Variants in CASP10 observed in about 807,000 individuals in gnomAD.
The protein encoded by CASP10 is caspase 10.
Under a neutral mutation model 48.5 loss-of-function variants are expected in CASP10, and 41 were observed. That is an observed-to-expected ratio of 0.85 (90% CI 0.66 to 1.10). The LOEUF (loss-of-function observed/expected upper bound fraction) is 1.10. CASP10 is among the 50% of genes least tolerant of loss of function. The pLI is 0.00. For missense variants in CASP10, 614 were observed against 614.5 expected (o/e 1.00, Z 0.01); for synonymous variants, 232 against 238.4 (o/e 0.97, Z 0.25).
chr2:201,192,479 T>C (rs140686119), intron 3 of CASP10, among the ~76,000 whole-genome samples: 18 of 152,190 alleles, frequency 1.2e-4, no homozygotes, highest in Non-Finnish European at 2.4e-4. Context: ...AAATATCAAA[T>C]ATAAAATTCT....
intron 5 of CASP10, among the ~76,000 whole-genome samples, chr2:201,197,606 C>G (rs955693148): frequency 6.6e-6 from 1 of 152,124 alleles, no homozygotes; most frequent in African/African-American, 2.4e-5. Context: ...CAGAGTGAGA[C>G]CCTGTCTCAA....
intron 4 of CASP10, among the ~76,000 whole-genome samples, chr2:201,195,073 G>C (rs966695959): frequency 2.7e-5 from 4 of 150,728 alleles, no homozygotes; most frequent in African/African-American, 7.3e-5. Flanking sequence ...CACCGCGCCC[G>C]GCTTGAGCTT....
chr2:201,200,436 T>C lies in CASP10; in HGVS notation c.685-3294T>C, dbSNP rs750791349. 27 of 1,597,914 alleles carry C rather than the reference T, an allele frequency of 1.7e-5. No homozygotes were observed. In the East Asian group the frequency reaches 5.3e-4, roughly 32 times the overall value. On this transcript the variant is annotated intron_variant, in intron 5 of 9. Coordinates refer to ENST00000286186, the MANE Select transcript of CASP10 (RefSeq NM_032977.4). ...TACTGTAAAGAAGGACCCTCCTTTCTCCCCAGGAAGGTGTTTTTGTTTTTT... is the reference window on the plus strand; with the variant it reads ...TACTGTAAAGAAGGACCCTCCTTTCCCCCCAGGAAGGTGTTTTTGTTTTTT...
At chr2:201,228,476 C>G (rs749750436) in intron 9 of CASP10, among the ~76,000 whole-genome samples, 1 of 152,196 alleles carries the variant, frequency 6.6e-6, no homozygotes, top group Non-Finnish European at 1.5e-5. Context: ...CACAGTGAGC[C>G]AGTTTTGGCC....
At chr2:201,188,106 A>G (rs1407685185) in intron 3 of CASP10, among the ~76,000 whole-genome samples, 1 of 152,210 alleles carries the variant, frequency 6.6e-6, no homozygotes, top group East Asian at 1.9e-4. Context: ...TTCATGAAGC[A>G]TTAGCATGAG....
At chr2:201,193,888 T>C (rs999884333) in intron 4 of CASP10, among the ~76,000 whole-genome samples, 1 of 152,186 alleles carries the variant, frequency 6.6e-6, no homozygotes, top group South Asian at 2.1e-4. Flanking sequence ...TGTGTCACTT[T>C]CCCTATCTGT....
chr2:201,184,757 A>G (rs1944353754), intron 1 of CASP10, among the ~76,000 whole-genome samples: 1 of 152,240 alleles, frequency 6.6e-6, no homozygotes, highest in African/African-American at 2.4e-5. Context: ...TCCTCTGATT[A>G]TGATGAAATT....
At chr2:201,189,206 A>G (rs1358463671) in intron 3 of CASP10, among the ~76,000 whole-genome samples, 2 of 151,402 alleles carry the variant, frequency 1.3e-5, no homozygotes, top group Non-Finnish European at 2.9e-5. Flanking sequence ...TTTTCCCTTC[A>G]TCCATTATTT....
At chr2:201,226,702 TGAAAA>T (rs1945792247) in intron 9 of CASP10, among the ~76,000 whole-genome samples, 2 of 145,336 alleles carry the variant, frequency 1.4e-5, no homozygotes, top group East Asian at 2.0e-4. Context: ...AAAAAAAAAA[TGAAAA>T]GAAGCAACAC....
At chr2:201,212,233 G>A (rs1349522088) in intron 9 of CASP10, 2 of 152,394 alleles carry the variant, frequency 1.3e-5, no homozygotes, top group Admixed American at 6.5e-5. Context: ...ACAGGCGTGA[G>A]CCACGGCGCC....
In CASP10 at chr2:201,185,814, G is replaced by C; in HGVS notation, c.37G>C (p.Asp13His). The C allele has an allele frequency of 6.2e-7, 1 of 1,614,082 alleles. No individual in the cohort carries two copies. ...SQGQHWYSSS[D>H]KNCKVSFREK... is the part of the protein sequence containing the mutation. The stretch of plus-strand genomic sequence containing the variant: ...AGGTCAACATTGGTATTCCAGTTCA[G>C]ATAAAAACTGTAAAGTGAGCTTTCG... Residue 13 changes from aspartate to histidine, a missense_variant, in exon 2 of 10, where the codon GAT becomes CAT. Coordinates refer to ENST00000286186, the MANE Select transcript of CASP10 (RefSeq NM_032977.4).
chr2:201,193,151 G>T, intron 4 of CASP10, 32 bp downstream of exon 4: 1 of 1,608,716 alleles, frequency 6.2e-7, no homozygotes, highest in South Asian at 1.1e-5. Flanking sequence ...ACTTGGACCA[G>T]ACCATGGAAA....
At chr2:201,227,064 G>A (rs1945796465) in intron 9 of CASP10, among the ~76,000 whole-genome samples, 1 of 152,112 alleles carries the variant, frequency 6.6e-6, no homozygotes, top group Non-Finnish European at 1.5e-5. Flanking sequence ...AGTTGCCTGG[G>A]ATGGGATTGG....
rs12471740 is a variant in CASP10 at position 201,205,995 on chromosome 2, C to T, written c.813+22C>T. ...AAAGGTCTGGATGGTTTCTTTTATT[C>T]CTTTTTTAATAAAAAAATTTTTTTT... On this transcript the variant is annotated intron_variant, in intron 7 of 9. Coordinates refer to ENST00000286186, the MANE Select transcript of CASP10 (RefSeq NM_032977.4). 23,230 of 1,530,138 alleles carry T rather than the reference C, an allele frequency of 0.015. 2,426 individuals are homozygous for T. The East Asian group carries it at 0.28, about 18-fold the overall frequency. 94.8% of individuals were successfully genotyped at this position (1,530,138 alleles called of 1,614,324 possible). A position where few individuals can be genotyped will look rare whatever the true frequency, so the allele number is the denominator to read the frequency against.
chr2:201,209,769 A>G (rs1945336198), intron 9 of CASP10, among the ~76,000 whole-genome samples: 1 of 151,912 alleles, frequency 6.6e-6, no homozygotes, highest in Non-Finnish European at 1.5e-5. Context: ...CCATTCATCT[A>G]TCCATCCATC....
chr2:201,200,481 A>G, intron 5 of CASP10: 1 of 1,598,388 alleles, frequency 6.3e-7, no homozygotes, highest in Non-Finnish European at 8.5e-7. Context: ...GAGACCGTGG[A>G]AACTCGCCAG....
rs758339822 is a variant in CASP10, at chr2:201,209,221, T to G, written c.1074T>G (p.His358Gln). Residue 358 changes from histidine to glutamine, a missense_variant, in exon 9 of 10, where the codon CAT (histidine) becomes CAG (glutamine). Physicochemically the swap from His to Gln is conservative, Grantham distance 24. Transcript: ENST00000286186. ...GDCFVFCILT[H>Q]GRFGAVYSSD... ...GCTTCGTGTTCTGTATTCTGACCCA[T>G]GGGAGATTTGGAGCTGTCTACTCTT... 1.2e-6 allele frequency: 2 copies of G among 1,614,134 alleles called. No individual in the cohort carries two copies. The highest frequency in any genetic ancestry group is 2.2e-5 in the South Asian group (2 of 91,088).
intron 2 of CASP10, among the ~76,000 whole-genome samples, chr2:201,187,096 GC>G (rs1447776799): frequency 2.0e-5 from 3 of 152,206 alleles, no homozygotes; most frequent in Admixed American, 2.0e-4. Flanking sequence ...AACACATTAA[GC>G]CTTAGCGGTG....
chr2:201,191,606 A>C (rs1450020495), intron 3 of CASP10, among the ~76,000 whole-genome samples: 2 of 152,224 alleles, frequency 1.3e-5, no homozygotes, highest in Admixed American at 6.5e-5. Context: ...ACCTTATCAC[A>C]GAAATAAATT....
Sources: gnomAD v4.1 joint callset for allele counts (sites outside exome capture counted in the v4.1 genomes callset) on GRCh38, gnomAD v4.1.1 for gene constraint, MANE v1.5 for transcripts, NCBI Gene and HGNC (gene_info 2026-07-23, HGNC 2026-07-21) for gene names.